Variants in ERBB4 observed in about 807,000 individuals in gnomAD.
ERBB4 encodes receptor tyrosine-protein kinase erbB-4.
ERBB4 carries 42 observed loss-of-function variants against 158.0 expected under a neutral mutation model. The ratio of observed to expected loss-of-function variants is 0.27; its 90% CI spans 0.21 to 0.34. The LOEUF (loss-of-function observed/expected upper bound fraction) is 0.34. Ranked by LOEUF, ERBB4 falls within the 10% of genes least tolerant of loss-of-function variation. The probability of loss-of-function intolerance (pLI) is 1.00; values close to 1 mark genes in which losing one functional copy is unlikely to be tolerated. For synonymous variants in ERBB4, 583 were observed against 558.7 expected (o/e 1.04, Z -0.61); for missense variants, 1,333 against 1,624.1 (o/e 0.82, Z 3.08).
intron 1 of ERBB4, among the ~76,000 whole-genome samples, chr2:212,202,834 GA>G (rs1261390273): frequency 6.6e-6 from 1 of 151,874 alleles, no homozygotes; most frequent in Non-Finnish European, 1.5e-5. Context: ...CAAAATAAAT[GA>G]CTATTGAGAA....
intron 5 of ERBB4, among the ~76,000 whole-genome samples, chr2:211,734,538 C>T (rs1214424480): frequency 7.1e-6 from 1 of 140,788 alleles, no homozygotes; most frequent in Non-Finnish European, 1.5e-5. Flanking sequence ...GAGAATAATA[C>T]AATGTAACCT....
chr2:211,827,943 T>C (rs1230072632), intron 3 of ERBB4, among the ~76,000 whole-genome samples: 6 of 152,156 alleles, frequency 3.9e-5, no homozygotes, highest in Non-Finnish European at 8.8e-5. Flanking sequence ...GCCCCCTCAC[T>C]TTACAGGTGA....
intron 1 of ERBB4, among the ~76,000 whole-genome samples, chr2:212,505,521 A>G (rs1213319233): frequency 6.7e-6 from 1 of 148,260 alleles, no homozygotes; most frequent in Non-Finnish European, 1.5e-5. Context: ...TGGGAAACAC[A>G]GTCTTCCAAA....
At chr2:212,420,182 C>G (rs2091761213) in intron 1 of ERBB4, among the ~76,000 whole-genome samples, 1 of 151,956 alleles carries the variant, frequency 6.6e-6, no homozygotes, top group Non-Finnish European at 1.5e-5. Context: ...ATACAATATT[C>G]ACCAAAAGTA....
intron 3 of ERBB4, among the ~76,000 whole-genome samples, chr2:211,873,482 CAT>C (rs1361268574): frequency 6.6e-6 from 1 of 152,292 alleles, no homozygotes; most frequent in African/African-American, 2.4e-5. Context: ...TCACTCCTAA[CAT>C]GTAGATTATG....
chr2:211,538,239 G>C (rs7567792), intron 20 of ERBB4, among the ~76,000 whole-genome samples: 45,012 of 147,488 alleles, frequency 0.31, 6,876 homozygotes, highest in African/African-American at 0.34. Context: ...TCACGCAGGA[G>C]ATGATATAGT....
At chr2:212,073,895 T>C (rs2078200138) in intron 2 of ERBB4, among the ~76,000 whole-genome samples, 2 of 152,042 alleles carry the variant, frequency 1.3e-5, no homozygotes, top group Non-Finnish European at 1.5e-5. Flanking sequence ...CACATTACTT[T>C]GACAAGGTAA....
chr2:212,043,443 C>A (rs889846081), intron 2 of ERBB4, among the ~76,000 whole-genome samples: 1 of 152,102 alleles, frequency 6.6e-6, no homozygotes, highest in African/African-American at 2.4e-5. Context: ...GGAGGCAATA[C>A]ATTATATCAG....
chr2:212,137,523 C>A (rs895167499), intron 1 of ERBB4, among the ~76,000 whole-genome samples: 6 of 152,238 alleles, frequency 3.9e-5, no homozygotes, highest in African/African-American at 1.4e-4. Context: ...TTTTTTGTAG[C>A]TGCATAGTAT....
At chr2:211,856,956 C>T (rs1199384498) in intron 3 of ERBB4, among the ~76,000 whole-genome samples, 4 of 151,856 alleles carry the variant, frequency 2.6e-5, no homozygotes, top group Non-Finnish European at 5.9e-5. Context: ...TTTACTATCT[C>T]GAATTTAGAA....
At chr2:212,442,371 C>G (rs2092273136) in intron 1 of ERBB4, among the ~76,000 whole-genome samples, 1 of 152,146 alleles carries the variant, frequency 6.6e-6, no homozygotes, top group Non-Finnish European at 1.5e-5. Context: ...AAGGACCCCA[C>G]TACATTACTG....
At chr2:211,669,048 C>A (rs2071732100) in intron 14 of ERBB4, among the ~76,000 whole-genome samples, 3 of 151,476 alleles carry the variant, frequency 2.0e-5, no homozygotes, top group Admixed American at 2.0e-4. Flanking sequence ...CATGGTGAAA[C>A]CCCATCTCTA....
chr2:211,581,875 T>C (rs2068115981), intron 19 of ERBB4, among the ~76,000 whole-genome samples: 1 of 152,060 alleles, frequency 6.6e-6, no homozygotes, highest in Non-Finnish European at 1.5e-5. Context: ...CTAGGTGTGG[T>C]GGCTGGCACC....
intron 16 of ERBB4, among the ~76,000 whole-genome samples, chr2:211,630,846 C>T (rs1212919506): frequency 6.6e-6 from 1 of 151,958 alleles, no homozygotes; most frequent in Non-Finnish European, 1.5e-5. Flanking sequence ...TGAACAGTCA[C>T]AACATGCCAT....
At chr2:212,463,920 G>C (rs1393615975) in intron 1 of ERBB4, among the ~76,000 whole-genome samples, 3 of 152,108 alleles carry the variant, frequency 2.0e-5, no homozygotes, top group Admixed American at 2.0e-4. Flanking sequence ...TAACTGACAT[G>C]CAAACCTTCT....
intron 2 of ERBB4, among the ~76,000 whole-genome samples, chr2:212,003,232 GGAAGGAAGGA>G (rs1559294494): frequency 1.6e-5 from 2 of 125,404 alleles, no homozygotes; most frequent in African/African-American, 2.9e-5. Flanking sequence ...AAGGAAGGAA[GGAAGGAAGGA>G]AGGAAGGAAG....
intron 20 of ERBB4, among the ~76,000 whole-genome samples, chr2:211,439,460 T>G (rs1258212368): frequency 6.6e-6 from 1 of 152,162 alleles, no homozygotes; most frequent in East Asian, 1.9e-4. Flanking sequence ...AGAGCACCCA[T>G]TTTCAAGATT....
intron 20 of ERBB4, among the ~76,000 whole-genome samples, chr2:211,439,403 G>A (rs1311217288): frequency 1.3e-5 from 2 of 152,162 alleles, no homozygotes; most frequent in African/African-American, 4.8e-5. Context: ...TTGTTTAAAA[G>A]CCTTCAACGT....
chr2:212,361,033 T>A (rs1310961433), intron 1 of ERBB4, among the ~76,000 whole-genome samples: 1 of 151,656 alleles, frequency 6.6e-6, no homozygotes, highest in Admixed American at 6.6e-5. Context: ...GAGTTCAACA[T>A]CCAAACAAAA....
Sources: gnomAD v4.1 joint callset for allele counts (sites outside exome capture counted in the v4.1 genomes callset) on GRCh38, gnomAD v4.1.1 for gene constraint, MANE v1.5 for transcripts, NCBI Gene and HGNC (gene_info 2026-07-23, HGNC 2026-07-21) for gene names.